Variants in APBB2 observed in about 807,000 individuals in gnomAD.
APBB2 encodes the protein Fe65-like 1.
APBB2 carries 38 observed loss-of-function variants against 82.5 expected under a neutral mutation model. The observed-to-expected ratio is 0.46, with a 90% confidence interval of 0.36 to 0.60. The LOEUF is 0.60. Ranked by LOEUF, APBB2 falls within the 20% of genes least tolerant of loss-of-function variation. APBB2 has a pLI of 0.00. For missense variants in APBB2, 772 were observed against 972.3 expected, an observed-to-expected ratio of 0.79 and a Z score of 2.74; for synonymous variants, 341 against 368.2, an observed-to-expected ratio of 0.93 and a Z score of 0.85.
intron 2 of APBB2, among the ~76,000 whole-genome samples, chr4:41,141,385 C>T (rs1196823122): frequency 6.6e-6 from 1 of 152,092 alleles, no homozygotes; most frequent in Non-Finnish European, 1.5e-5. Context: ...TGTGCGTGTG[C>T]ATGTGTGCAT....
chr4:40,884,679 C>G (rs1315067803), intron 12 of APBB2, among the ~76,000 whole-genome samples: 1 of 151,512 alleles, frequency 6.6e-6, no homozygotes, highest in African/African-American at 2.4e-5. Context: ...AGGAGGATCG[C>G]TTGAGCCCAG....
At chr4:40,937,293 CTACAGAAAG>C (rs1785610299) in intron 7 of APBB2, among the ~76,000 whole-genome samples, 1 of 152,122 alleles carries the variant, frequency 6.6e-6, no homozygotes, top group Non-Finnish European at 1.5e-5. Flanking sequence ...TATGTTGAGG[CTACAGAAAG>C]TAAAAGAAGA....
intron 6 of APBB2, among the ~76,000 whole-genome samples, chr4:40,964,081 T>A (rs1427974364): frequency 2.0e-5 from 3 of 152,198 alleles, no homozygotes; most frequent in African/African-American, 7.2e-5. Context: ...AATACCTTTT[T>A]TTATCCCTCC....
intron 2 of APBB2, among the ~76,000 whole-genome samples, chr4:41,123,863 C>A (rs1753608178): frequency 6.6e-6 from 1 of 151,856 alleles, no homozygotes; most frequent in South Asian, 2.1e-4. Context: ...AAAAAAACCA[C>A]AAGTAAATTT....
intron 4 of APBB2, among the ~76,000 whole-genome samples, chr4:41,064,008 G>A (rs1437564674): frequency 1.5e-5 from 2 of 134,530 alleles, no homozygotes; most frequent in African/African-American, 5.6e-5. Context: ...CCAGGCTGGA[G>A]TGCTGTGTCG....
At chr4:40,857,092 G>A in intron 12 of APBB2, 3 of 985,484 alleles carry the variant, frequency 3.0e-6, no homozygotes, top group Non-Finnish European at 3.6e-6. Flanking sequence ...AAGCCCCAGG[G>A]TGCCGGCACC....
chr4:40,895,457 G>C (rs1237135222), intron 10 of APBB2, among the ~76,000 whole-genome samples: 1 of 152,252 alleles, frequency 6.6e-6, no homozygotes, highest in Admixed American at 6.5e-5. Flanking sequence ...CCGGGTGCCA[G>C]AGCTGGCTGT....
At chr4:41,213,842 C>A (rs1433975462) in intron 1 of APBB2, among the ~76,000 whole-genome samples, 1 of 152,212 alleles carries the variant, frequency 6.6e-6, no homozygotes, top group East Asian at 1.9e-4. Context: ...CATGGGCTGG[C>A]CTCTGAACCC....
intron 7 of APBB2, among the ~76,000 whole-genome samples, chr4:40,943,098 A>G (rs1787470858): frequency 6.6e-6 from 1 of 152,220 alleles, no homozygotes; most frequent in South Asian, 2.1e-4. Context: ...GTGAGGAAGC[A>G]GAGCAGGTTG....
At chr4:41,046,512 A>T (rs1017336828) in intron 4 of APBB2, among the ~76,000 whole-genome samples, 22 of 152,230 alleles carry the variant, frequency 1.4e-4, no homozygotes, top group Admixed American at 1.1e-3. Context: ...AAGCCTTAAT[A>T]TGCTTAACTG....
chr4:41,118,263 T>C (rs1751712687), intron 2 of APBB2: 1 of 152,108 alleles, frequency 6.6e-6, no homozygotes, highest in South Asian at 2.1e-4. Flanking sequence ...TCTGATCTAA[T>C]TAGCCACTAG....
At chr4:41,168,527 G>A (rs77681756) in intron 1 of APBB2, among the ~76,000 whole-genome samples, 3,065 of 151,980 alleles carry the variant, frequency 0.02, 97 homozygotes, top group African/African-American at 0.071. Context: ...TAAATAATGG[G>A]CTTATATTTG....
At chr4:40,881,637 G>A (rs1768646923) in intron 12 of APBB2, among the ~76,000 whole-genome samples, 2 of 146,854 alleles carry the variant, frequency 1.4e-5, no homozygotes, top group African/African-American at 5.1e-5. Context: ...AGGTTCAGGC[G>A]ATTCTCCTGC....
chr4:41,038,887 T>C (rs903309160), intron 4 of APBB2, among the ~76,000 whole-genome samples: 4 of 152,250 alleles, frequency 2.6e-5, no homozygotes, highest in African/African-American at 9.6e-5. Flanking sequence ...AGGTATCAGA[T>C]GCTCACCTAT....
intron 6 of APBB2, among the ~76,000 whole-genome samples, chr4:41,004,009 A>C (rs1805957904): frequency 6.6e-6 from 1 of 151,608 alleles, no homozygotes; most frequent in South Asian, 2.1e-4. Flanking sequence ...CACCACGCCC[A>C]GCCTGATTTT....
chr4:41,038,012 T>C (rs1719919282), intron 4 of APBB2, among the ~76,000 whole-genome samples: 1 of 152,126 alleles, frequency 6.6e-6, no homozygotes. Context: ...AGTTGTGATT[T>C]TGGGGCAAAG....
chr4:41,067,554 A>G lies in APBB2; in HGVS notation c.-148-1881T>C, dbSNP rs149149063. Among the ~76,000 whole-genome samples the G allele has an allele frequency of 1.6e-4, 25 of 152,298 alleles. No individual in the cohort carries two copies. The East Asian group carries it at 4.8e-3, about 29-fold the overall frequency. On this transcript the variant is annotated intron_variant, in intron 3 of 17. Coordinates refer to ENST00000508593, the MANE Select transcript of APBB2 (RefSeq NM_004307.2). Reference sequence around the variant, plus strand: ...GATTACAACATAGAAAGGAGCAGAGATTGTGTCAGTGAGTGACGTCACTGC... The same window carrying G: ...GATTACAACATAGAAAGGAGCAGAGGTTGTGTCAGTGAGTGACGTCACTGC...
At chr4:41,037,933 A>C (rs1402659612) in intron 4 of APBB2, among the ~76,000 whole-genome samples, 1 of 152,152 alleles carries the variant, frequency 6.6e-6, no homozygotes, top group East Asian at 1.9e-4. Context: ...TTTCCATAAA[A>C]ATGACATACG....
At chr4:41,033,956 A>G (rs1359448573) in intron 4 of APBB2, among the ~76,000 whole-genome samples, 1 of 152,248 alleles carries the variant, frequency 6.6e-6, no homozygotes, top group Non-Finnish European at 1.5e-5. Flanking sequence ...TGGATTTCCT[A>G]TATCAGACTG....
Sources: gnomAD v4.1 joint callset for allele counts (sites outside exome capture counted in the v4.1 genomes callset) on GRCh38, gnomAD v4.1.1 for gene constraint, MANE v1.5 for transcripts, NCBI Gene and HGNC (gene_info 2026-07-23, HGNC 2026-07-21) for gene names.